FMN2: variants seen among roughly 807,000 people sequenced by gnomAD.
FMN2 encodes formin-2.
Under a neutral mutation model 142.3 loss-of-function variants are expected in FMN2, and 51 were observed. That is an observed-to-expected ratio of 0.36 (90% CI 0.29 to 0.45). The LOEUF (loss-of-function observed/expected upper bound fraction) is 0.45, where lower values mean the gene tolerates loss of function less well. Among genes scored for constraint, FMN2 ranks in the 20% least tolerant of loss-of-function variants. FMN2 has a pLI of 1.00. For synonymous variants in FMN2, 882 were observed against 869.8 expected, an observed-to-expected ratio of 1.01 and a Z score of -0.25; for missense variants, 1,936 against 2,122.8, an observed-to-expected ratio of 0.91 and a Z score of 1.73.
At chr1:240,333,667 C>G (rs970269282) in intron 11 of FMN2, among the ~76,000 whole-genome samples, 1 of 152,060 alleles carries the variant, frequency 6.6e-6, no homozygotes, top group Non-Finnish European at 1.5e-5. Flanking sequence ...GACTTTGCCC[C>G]TAAATAGCTG....
rs1675948537 is a variant in FMN2 at position 240,449,932 on chromosome 1, GTTATC to G, written c.5060+11726_5060+11730del. On this transcript the variant is annotated intron_variant, in intron 16 of 17. Coordinates refer to ENST00000319653, the MANE Select transcript of FMN2 (RefSeq NM_020066.5). ...AGAATACTTAAGATCTTTAAGATCT[GTTATC>G]TTAGCAGGTTTTAAGTGTACAATAC... Among the ~76,000 whole-genome samples, 6 of 152,174 alleles carry G rather than the reference GTTATC, an allele frequency of 3.9e-5. No individual in the cohort carries two copies. In the South Asian group the frequency reaches 1.2e-3, roughly 32 times the overall value.
chr1:240,142,869 A>G (rs1663250421), intron 2 of FMN2: 38 of 1,598,234 alleles, frequency 2.4e-5, no homozygotes, highest in Non-Finnish European at 2.7e-5. Context: ...ATGGACAGAC[A>G]CTGGCAATGG....
chr1:240,141,076 A>G (rs1299610204), intron 2 of FMN2, among the ~76,000 whole-genome samples: 2 of 152,200 alleles, frequency 1.3e-5, no homozygotes, highest in African/African-American at 4.8e-5. Flanking sequence ...AACTTTCCTC[A>G]TACTATTGGT....
chr1:240,431,940 A>G (rs548298332), intron 15 of FMN2, among the ~76,000 whole-genome samples: 1 of 150,258 alleles, frequency 6.7e-6, no homozygotes, highest in South Asian at 2.1e-4. Flanking sequence ...TTTCTTTCAT[A>G]ATATCTTTTT....
intron 2 of FMN2, among the ~76,000 whole-genome samples, chr1:240,134,262 A>G (rs1346618307): frequency 6.6e-6 from 1 of 152,188 alleles, no homozygotes; most frequent in African/African-American, 2.4e-5. Context: ...GTGAGGAGGA[A>G]CTGGAGAATC....
intron 8 of FMN2, among the ~76,000 whole-genome samples, chr1:240,315,727 C>T (rs543954467): frequency 2.6e-5 from 4 of 152,130 alleles, no homozygotes; most frequent in African/African-American, 7.2e-5. Context: ...TAATGTAACC[C>T]GGAGAAGAAA....
intron 1 of FMN2, among the ~76,000 whole-genome samples, chr1:240,108,326 C>A (rs1244268903): frequency 6.6e-6 from 1 of 152,168 alleles, no homozygotes; most frequent in Non-Finnish European, 1.5e-5. Flanking sequence ...AAACCTGCAG[C>A]ATTTTGGACC....
At chr1:240,430,982 T>TA (rs377031896) in intron 15 of FMN2, among the ~76,000 whole-genome samples, 9,508 of 141,256 alleles carry the variant, frequency 0.067, 915 homozygotes, top group African/African-American at 0.22. Flanking sequence ...TCAGTCCCTT[T>TA]AAAAAAAAAA....
At position 240,242,112 on chromosome 1, in the gene FMN2, T is replaced by A. The variant is rs541200753; in HGVS notation, c.4066-15833T>A. On this transcript the variant is annotated intron_variant, in intron 6 of 17. Coordinates refer to ENST00000319653, the MANE Select transcript of FMN2 (RefSeq NM_020066.5). ...CGCCTGCCTCGGCCTCCCAAAGTGC[T>A]GGGATGACAGGCGTGAGCCACCGCG... Among the ~76,000 whole-genome samples the A allele has an allele frequency of 1.4e-3, 219 of 152,298 alleles. 1 individual carries two copies. The highest frequency in any genetic ancestry group is 5.2e-3 in the African/African-American group (216 of 41,570).
intron 16 of FMN2, among the ~76,000 whole-genome samples, chr1:240,464,768 A>ACACAC (rs1676558606): frequency 2.0e-5 from 3 of 152,162 alleles, no homozygotes; most frequent in African/African-American, 7.2e-5. Context: ...TGCACTGTCC[A>ACACAC]TTACTGAGCC....
chr1:240,342,024 C>G (rs1671761162), intron 13 of FMN2, among the ~76,000 whole-genome samples: 1 of 152,200 alleles, frequency 6.6e-6, no homozygotes, highest in Non-Finnish European at 1.5e-5. Context: ...TCCCTCCTGT[C>G]TGTTCTCTCC....
intron 14 of FMN2, 43 bp downstream of exon 14, chr1:240,355,951 CAAAAAAAAAAAAAA>C (rs58002724): frequency 2.5e-4 from 63 of 252,908 alleles, no homozygotes; most frequent in East Asian, 1.0e-3. Flanking sequence ...CCCCTTTCAG[CAAAAAAAAAAAAAA>C]AAAAAAAAAA....
chr1:240,252,953 C>CTTTTTTTTTGTTTTTTTTTTTTTTTTT (rs1668327202), intron 6 of FMN2, among the ~76,000 whole-genome samples: 1 of 65,346 alleles, frequency 1.5e-5, no homozygotes, highest in East Asian at 7.5e-4. Flanking sequence ...GTCTTGTTCA[C>CTTTTTTTTTGTTTTTTTTTTTTTTTTT]TTTTTTTTTT....
intron 2 of FMN2, among the ~76,000 whole-genome samples, chr1:240,155,938 A>C (rs993182271): frequency 2.6e-5 from 4 of 151,574 alleles, no homozygotes; most frequent in Admixed American, 2.0e-4. Context: ...AATTTTTATA[A>C]ATATATATCA....
At chr1:240,310,416 C>A (rs371298167) in intron 8 of FMN2, among the ~76,000 whole-genome samples, 1 of 152,124 alleles carries the variant, frequency 6.6e-6, no homozygotes, top group East Asian at 1.9e-4. Flanking sequence ...TGGCAGTGAG[C>A]TTTCTCTTCT....
chr1:240,183,191 A>G (rs1665225053), intron 3 of FMN2, among the ~76,000 whole-genome samples: 1 of 151,702 alleles, frequency 6.6e-6, no homozygotes, highest in African/African-American at 2.4e-5. Context: ...TGCTGGGATT[A>G]CAGACATGAG....
At chr1:240,214,425 C>T (rs568457773) in intron 6 of FMN2, among the ~76,000 whole-genome samples, 1 of 151,840 alleles carries the variant, frequency 6.6e-6, no homozygotes, top group South Asian at 2.1e-4. Flanking sequence ...GCAGCAGGTG[C>T]CCGTAGTCTC....
intron 7 of FMN2, among the ~76,000 whole-genome samples, chr1:240,275,777 G>A (rs1309722172): frequency 3.9e-5 from 6 of 152,008 alleles, no homozygotes; most frequent in Admixed American, 2.6e-4. Flanking sequence ...TTTAATGCTC[G>A]CCATTCTAAC....
intron 16 of FMN2, among the ~76,000 whole-genome samples, chr1:240,469,804 T>G (rs1676750162): frequency 6.6e-6 from 1 of 152,134 alleles, no homozygotes. Context: ...TGCTCATGAG[T>G]ATCTCTCTCC....
Sources: allele counts gnomAD v4.1 joint callset (sites outside exome capture counted in the v4.1 genomes callset), GRCh38; gene constraint gnomAD v4.1.1; transcripts MANE v1.5; gene names NCBI Gene and HGNC (gene_info 2026-07-23, HGNC 2026-07-21).